ITGA2: variants seen among roughly 807,000 people sequenced by gnomAD.
The protein encoded by ITGA2 is integrin subunit alpha 2.
A neutral mutation model predicts 146.3 loss-of-function variants in ITGA2; 101 were observed. That is an observed-to-expected ratio of 0.69 (90% CI 0.59 to 0.81). ITGA2 has a LOEUF of 0.81. ITGA2 is among the 40% of genes least tolerant of loss of function. The pLI is 0.00. For synonymous variants in ITGA2, 477 were observed against 487.1 expected (o/e 0.98, Z 0.27); for missense variants, 1,281 against 1,402.7 (o/e 0.91, Z 1.39).
chr5:53,060,814 G>T, intron 11 of ITGA2, 87 bp from the exon 12 acceptor site: 2 of 1,265,256 alleles, frequency 1.6e-6, no homozygotes, highest in South Asian at 2.4e-5. Context: ...AACACAAAAG[G>T]ATCTCTGGTC....
At chr5:52,989,928 A>T (rs1482204376) in intron 1 of ITGA2, among the ~76,000 whole-genome samples, 1 of 151,228 alleles carries the variant, frequency 6.6e-6, no homozygotes, top group Non-Finnish European at 1.5e-5. Flanking sequence ...CCCCTGGCTC[A>T]GACAGGTGCC....
intron 1 of ITGA2, 83 bp downstream of exon 1, chr5:52,989,615 T>TAGGG: frequency 6.8e-7 from 1 of 1,468,394 alleles, no homozygotes; most frequent in South Asian, 1.1e-5. Flanking sequence ...TGGGCGGAAC[T>TAGGG]AGGGAGCGAG....
intron 1 of ITGA2, among the ~76,000 whole-genome samples, chr5:53,004,149 C>T (rs1337201978): frequency 1.3e-5 from 2 of 152,060 alleles, no homozygotes; most frequent in African/African-American, 4.8e-5. Flanking sequence ...CAAAAATATG[C>T]CCAGACATTA....
chr5:53,081,758 G>A (rs1258651896), intron 26 of ITGA2, 62 bp downstream of exon 26: 45 of 1,127,590 alleles, frequency 4.0e-5, no homozygotes, highest in Non-Finnish European at 5.4e-5. Flanking sequence ...TGATCAGGAC[G>A]CTGCTTTTCT....
chr5:53,021,137 G>A (rs558810447), intron 1 of ITGA2, among the ~76,000 whole-genome samples: 23 of 150,814 alleles, frequency 1.5e-4, no homozygotes, highest in South Asian at 6.3e-4. Flanking sequence ...TTTTATTTTC[G>A]TTAAGCACTG....
At position 52,990,404 on chromosome 5, in the gene ITGA2, C is replaced by T. The variant is rs145835272; in HGVS notation, c.64+872C>T. The T allele has an allele frequency of 4.1e-3, 620 of 152,304 alleles. 4 individuals carry two copies. Among genetic ancestry groups the T allele is most frequent in the Non-Finnish European group, 7.0e-3 (476 of 68,058 alleles). The allele number at this position is 152,304 out of a possible 1,614,324, so 9.4% of individuals were successfully genotyped here. The stretch of plus-strand genomic sequence containing the variant: ...GGGTGGAGAGCTTTTGTGGGACCAT[C>T]GCCTGAGTACTTTTTCCCTGACCAT... On this transcript the variant is annotated intron_variant, in intron 1 of 29. Transcript: ENST00000296585.
At chr5:53,054,733 A>T (rs1744548929) in intron 7 of ITGA2, among the ~76,000 whole-genome samples, 1 of 152,120 alleles carries the variant, frequency 6.6e-6, no homozygotes, top group Non-Finnish European at 1.5e-5. Flanking sequence ...ATATGCCCTC[A>T]TTTGATGCAA....
At chr5:53,022,260 G>C (rs1359068322) in intron 1 of ITGA2, among the ~76,000 whole-genome samples, 3 of 151,392 alleles carry the variant, frequency 2.0e-5, no homozygotes, top group Non-Finnish European at 4.4e-5. Context: ...CTGAAGTACA[G>C]TGGCACAATC....
Position 52,989,533 on chromosome 5 carries a change from G to C in ITGA2, c.64+1G>C, listed in dbSNP as rs1291742493. The C allele has an allele frequency of 1.2e-6, 2 of 1,613,696 alleles. No homozygotes were observed. Among genetic ancestry groups the C allele is most frequent in the African/African-American group, 2.7e-5 (2 of 74,834 alleles). ...CTGCTGGTGTTAGCGCTCAGTCAAGGTAAGCGGGGATTTCGCTCTGCATCG... is the reference window on the plus strand; with the variant it reads ...CTGCTGGTGTTAGCGCTCAGTCAAGCTAAGCGGGGATTTCGCTCTGCATCG... On this transcript the variant is annotated splice_donor_variant, in intron 1 of 29. Transcript: ENST00000296585. LOFTEE classifies it high-confidence loss of function.
chr5:53,092,696 G>GTGTGT lies in ITGA2; in HGVS notation c.*2097_*2098insTGTGT, dbSNP rs1740487699. Reference sequence around the variant, plus strand: ...AGAATATTTAACAGCTAGTGGTGCTGGTGTGTACCTGAAGCTCCAGCTACT... The same window carrying GTGTGT: ...AGAATATTTAACAGCTAGTGGTGCTGTGTGTGTGTGTACCTGAAGCTCCAGCTACT... On this transcript the variant is annotated 3_prime_UTR_variant, in exon 30 of 30. Transcript: ENST00000296585. 1 of 152,074 alleles carries GTGTGT rather than the reference G, an allele frequency of 6.6e-6. No individual in the cohort carries two copies. Among genetic ancestry groups the GTGTGT allele is most frequent in the Non-Finnish European group, 1.5e-5 (1 of 68,022 alleles). 9.4% of individuals were successfully genotyped at this position (152,074 alleles called of 1,614,324 possible).
chr5:53,000,913 T>C (rs1741552935), intron 1 of ITGA2, among the ~76,000 whole-genome samples: 1 of 146,124 alleles, frequency 6.8e-6, no homozygotes, highest in African/African-American at 2.5e-5. Context: ...TTTTTTTTTT[T>C]TTTTTCTTGA....
intron 23 of ITGA2, among the ~76,000 whole-genome samples, chr5:53,077,198 C>T (rs1745700737): frequency 1.3e-5 from 2 of 151,892 alleles, no homozygotes; most frequent in South Asian, 4.2e-4. Flanking sequence ...TTTATGTAAC[C>T]AATTCAATAT....
At chr5:53,045,250 A>G (rs896495237) in intron 4 of ITGA2, among the ~76,000 whole-genome samples, 158 bp downstream of exon 4, 4 of 152,188 alleles carry the variant, frequency 2.6e-5, no homozygotes. Context: ...AATATTCAAA[A>G]TAATGTTGAT....
At position 53,042,131 on chromosome 5, in the gene ITGA2, T is replaced by C; in HGVS notation, c.205T>C (p.Trp69Arg). The change falls in exon 3 of 30, where the codon TGG (tryptophan) becomes CGG (arginine). Residue 69 changes from tryptophan (W) to arginine (R), a missense_variant. Physicochemically the swap from Trp to Arg is moderately radical, Grantham distance 101. This residue lies in a region of ITGA2 where 795 missense variants were observed against 841.7 expected (regional missense o/e 0.94). Transcript: ENST00000296585. ...TTCTAGGTTACTGGTTGGTTCACCC[T>C]GGAGTGGCTTTCCTGAGAACCGAAT... ...KGNWLLVGSPWSGFPENRMGD... is the reference protein window; with the variant it reads ...KGNWLLVGSPRSGFPENRMGD... 6.2e-7 allele frequency: 1 copy of C among 1,612,382 alleles called. No individual in the cohort carries two copies. Among genetic ancestry groups the C allele is most frequent in the South Asian group, 1.1e-5 (1 of 91,054 alleles).
chr5:53,000,891 CTTTTTGTTTT>C lies in ITGA2; in HGVS notation c.64+11365_64+11374del, dbSNP rs1224596434. Among the ~76,000 whole-genome samples, 7 of 105,130 alleles carry C rather than the reference CTTTTTGTTTT, an allele frequency of 6.7e-5. No individual in the cohort carries two copies. In the East Asian group the frequency reaches 8.0e-4, roughly 12 times the overall value. 69.0% of individuals were successfully genotyped at this position (105,130 alleles called of 152,430 possible). ...AAAGCATTTTCTTTTTTTTCTTTTT[CTTTTTGTTTT>C]TTTTTTTTTTTTTTTTTCTTGATGA... On this transcript the variant is annotated intron_variant, in intron 1 of 29. Coordinates refer to ENST00000296585, the MANE Select transcript of ITGA2 (RefSeq NM_002203.4).
intron 2 of ITGA2, among the ~76,000 whole-genome samples, chr5:53,038,287 T>C (rs1743594695): frequency 6.6e-6 from 1 of 151,972 alleles, no homozygotes; most frequent in African/African-American, 2.4e-5. Context: ...CGGGCTGTGG[T>C]GAGGATGGTT....
At chr5:53,083,738 G>A (rs558910561) in intron 27 of ITGA2, among the ~76,000 whole-genome samples, 7 of 152,246 alleles carry the variant, frequency 4.6e-5, no homozygotes, top group East Asian at 1.9e-4. Flanking sequence ...CATCTCTGCG[G>A]CCCTGGGCTA....
At chr5:53,035,117 G>C (rs1184691539) in intron 2 of ITGA2, among the ~76,000 whole-genome samples, 1 of 152,164 alleles carries the variant, frequency 6.6e-6, no homozygotes, top group Non-Finnish European at 1.5e-5. Context: ...TATCATTGAT[G>C]AAACAACCAT....
intron 26 of ITGA2, among the ~76,000 whole-genome samples, 191 bp from the exon 27 acceptor site, chr5:53,083,149 A>G (rs1746005578): frequency 6.6e-6 from 1 of 152,054 alleles, no homozygotes. Flanking sequence ...TGCACTTGGT[A>G]CATTTTGAGA....
Sources: gnomAD v4.1 joint callset for allele counts (sites outside exome capture counted in the v4.1 genomes callset) on GRCh38, gnomAD v4.1.1 for gene constraint, gnomAD v4.1.1 regional missense constraint, MANE v1.5 for transcripts, NCBI Gene and HGNC (gene_info 2026-07-23, HGNC 2026-07-21) for gene names.